The following PDE1A variants were observed in gnomAD, a reference collection of about 807,000 sequenced individuals.
The protein encoded by PDE1A is dual specificity calcium/calmodulin-dependent 3',5'-cyclic nucleotide phosphodiesterase 1A.
PDE1A carries 35 observed loss-of-function variants against 61.7 expected under a neutral mutation model. That is an observed-to-expected ratio of 0.57 (90% CI 0.43 to 0.75). The LOEUF (loss-of-function observed/expected upper bound fraction) is 0.75, where lower values mean the gene tolerates loss of function less well. Among genes scored for constraint, PDE1A ranks in the 30% least tolerant of loss-of-function variants. The pLI, the probability that PDE1A is intolerant of heterozygous loss-of-function variation, is 0.00. For missense variants in PDE1A, 597 were observed against 630.6 expected (o/e 0.95, Z 0.57); for synonymous variants, 232 against 213.2 (o/e 1.09, Z -0.77).
At chr2:182,629,789 T>C in the PDE1A span, among the ~76,000 whole-genome samples, 1 of 152,204 alleles carries the variant, frequency 6.6e-6, no homozygotes, top group African/African-American at 2.4e-5. Context: ...ATGCATTTAT[T>C]TCTGCTAATA....
intron 1 of PDE1A, among the ~76,000 whole-genome samples, chr2:182,267,222 GC>G (rs1692693438): frequency 6.6e-6 from 1 of 152,052 alleles, no homozygotes; most frequent in Admixed American, 6.6e-5. Context: ...CAATGAACAT[GC>G]CCTTTCACAC....
chr2:182,305,982 T>A (rs1358438286), intron 1 of PDE1A, among the ~76,000 whole-genome samples: 1 of 152,100 alleles, frequency 6.6e-6, no homozygotes, highest in East Asian at 1.9e-4. Context: ...GTTCAAAAAA[T>A]TTATTTCTCT....
At chr2:182,529,710 A>T in the PDE1A span, among the ~76,000 whole-genome samples, 1 of 152,196 alleles carries the variant, frequency 6.6e-6, no homozygotes, top group East Asian at 1.9e-4. Context: ...TAATTGAATC[A>T]TGGGAGCTGA....
At chr2:182,611,819 CAAT>C in the PDE1A span, among the ~76,000 whole-genome samples, 2 of 151,498 alleles carry the variant, frequency 1.3e-5, no homozygotes, top group African/African-American at 4.8e-5. Context: ...AAATAAAGAA[CAAT>C]AATATTTGAA....
intron 2 of PDE1A, among the ~76,000 whole-genome samples, chr2:182,263,656 T>C (rs1297233839): frequency 1.3e-5 from 2 of 152,198 alleles, no homozygotes. Context: ...CAGATATCTT[T>C]GAACACCAAG....
chr2:182,244,882 A>C (rs1690835358), intron 2 of PDE1A, among the ~76,000 whole-genome samples: 1 of 152,214 alleles, frequency 6.6e-6, no homozygotes, highest in Non-Finnish European at 1.5e-5. Flanking sequence ...TGTGTGCAAG[A>C]ACTGACTTAA....
exon 5 of PDE1A, chr2:182,231,015 C>T: frequency 3.4e-6 from 5 of 1,474,698 alleles, no homozygotes; most frequent in Non-Finnish European, 4.7e-6. Flanking sequence ...TGTTTCTGAC[C>T]TTGAAACGGT....
intron 2 of PDE1A, chr2:182,522,200 G>A: frequency 8.1e-7 from 1 of 1,228,464 alleles, no homozygotes; most frequent in Non-Finnish European, 1.2e-6. Flanking sequence ...GCCCACAAAG[G>A]CGGATAGCAC....
At chr2:182,261,353 A>G (rs962038074) in intron 2 of PDE1A, among the ~76,000 whole-genome samples, 1 of 152,216 alleles carries the variant, frequency 6.6e-6, no homozygotes, top group African/African-American at 2.4e-5. Context: ...GAAAGTAATA[A>G]TCATCCTGCC....
chr2:182,464,831 C>T (rs1409302497), intron 2 of PDE1A, among the ~76,000 whole-genome samples: 1 of 152,030 alleles, frequency 6.6e-6, no homozygotes, highest in Admixed American at 6.6e-5. Context: ...GACCAGGGTG[C>T]TGAGACCACC....
intron 2 of PDE1A, among the ~76,000 whole-genome samples, chr2:182,468,292 T>C (rs1686802905): frequency 6.6e-6 from 1 of 152,024 alleles, no homozygotes; most frequent in Admixed American, 6.6e-5. Context: ...CATTGCTTTC[T>C]TAACTAAGTT....
At chr2:182,569,245 C>T in the PDE1A span, among the ~76,000 whole-genome samples, 1 of 104,392 alleles carries the variant, frequency 9.6e-6, no homozygotes, top group South Asian at 2.8e-4. Context: ...AGAGTGATAA[C>T]CTGTCTCAAA....
At chr2:182,357,064 G>A (rs1699229704) in intron 1 of PDE1A, among the ~76,000 whole-genome samples, 1 of 151,940 alleles carries the variant, frequency 6.6e-6, no homozygotes, top group African/African-American at 2.4e-5. Context: ...ATAGCATTAG[G>A]AGATATACCT....
chr2:182,686,903 G>T, the PDE1A span, among the ~76,000 whole-genome samples: 1 of 152,218 alleles, frequency 6.6e-6, no homozygotes, highest in Non-Finnish European at 1.5e-5. Flanking sequence ...GGCTTGGAGG[G>T]TCCCATGCCC....
the PDE1A span, among the ~76,000 whole-genome samples, chr2:182,570,840 G>C: frequency 6.6e-6 from 1 of 152,178 alleles, no homozygotes; most frequent in African/African-American, 2.4e-5. Context: ...AGCTGTATGA[G>C]AAAATGGCAC....
At chr2:182,476,184 G>A (rs761837492) in intron 2 of PDE1A, among the ~76,000 whole-genome samples, 2 of 151,798 alleles carry the variant, frequency 1.3e-5, no homozygotes, top group Non-Finnish European at 2.9e-5. Flanking sequence ...CTATTAATTA[G>A]AATTAATTAT....
At chr2:182,326,289 G>A (rs1017902359) in intron 1 of PDE1A, among the ~76,000 whole-genome samples, 41 of 152,230 alleles carry the variant, frequency 2.7e-4, no homozygotes, top group African/African-American at 7.9e-4. Flanking sequence ...ACCATTACTC[G>A]TAACAGCCAA....
At chr2:182,420,365 A>C (rs2125577993) in intron 1 of PDE1A, among the ~76,000 whole-genome samples, 1 of 152,228 alleles carries the variant, frequency 6.6e-6, no homozygotes, top group East Asian at 1.9e-4. Context: ...AAGTGACTTG[A>C]CCTGGTGGGG....
the PDE1A span, among the ~76,000 whole-genome samples, chr2:182,683,766 T>C: frequency 6.6e-6 from 1 of 152,064 alleles, no homozygotes; most frequent in Non-Finnish European, 1.5e-5. Flanking sequence ...GACCTGAAAA[T>C]CAAGAAATAT....
Sources: gnomAD v4.1 joint callset for allele counts (sites outside exome capture counted in the v4.1 genomes callset) on GRCh38, gnomAD v4.1.1 for gene constraint, MANE v1.5 for transcripts, NCBI Gene and HGNC (gene_info 2026-07-23, HGNC 2026-07-21) for gene names.